DNM1L: variants seen among roughly 807,000 people sequenced by gnomAD.
DNM1L encodes the protein dynamin 1L, also known as dynamin-1-like protein.
In DNM1L, 33 loss-of-function variants were observed where a neutral mutation model predicts 92.8. That is an observed-to-expected ratio of 0.36 (90% CI 0.27 to 0.48). The LOEUF (loss-of-function observed/expected upper bound fraction) is 0.48, where lower values mean the gene tolerates loss of function less well. Among genes scored for constraint, DNM1L ranks in the 20% least tolerant of loss-of-function variants. DNM1L has a pLI of 0.99. For missense variants in DNM1L, 485 were observed against 888.8 expected (o/e 0.55, Z 5.78); for synonymous variants, 284 against 305.0 (o/e 0.93, Z 0.72).
At chr12:32,727,415 A>C (rs1395965902) in intron 9 of DNM1L, 1 of 716,088 alleles carries the variant, frequency 1.4e-6, no homozygotes, top group African/African-American at 1.8e-5. Context: ...ATGAGAAGCC[A>C]GGCGGCTGGA....
intron 19 of DNM1L, 97 bp downstream of exon 19, chr12:32,742,845 A>G: frequency 2.0e-6 from 2 of 1,016,074 alleles, no homozygotes; most frequent in Non-Finnish European, 3.0e-6. Context: ...TATAGTCTTT[A>G]TATTCTAGCT....
At chr12:32,722,674 G>T (rs371534794) in intron 9 of DNM1L, 41 bp downstream of exon 9, 92 of 1,468,902 alleles carry the variant, frequency 6.3e-5, no homozygotes, top group Middle Eastern at 4.7e-4. Flanking sequence ...TACCTAGATT[G>T]CTAGGTCACT....
intron 5 of DNM1L, 56 bp downstream of exon 5, chr12:32,711,071 C>G: frequency 7.1e-7 from 1 of 1,412,992 alleles, no homozygotes; most frequent in Non-Finnish European, 1.0e-6. Flanking sequence ...GTTGACATCC[C>G]ATATGAGAAT....
chr12:32,732,047 G>A, intron 12 of DNM1L, 104 bp downstream of exon 12: 1 of 836,396 alleles, frequency 1.2e-6, no homozygotes, highest in Non-Finnish European at 2.0e-6. Flanking sequence ...TAGAGTGTAG[G>A]CATAATGTTT....
chr12:32,734,429 C>T (rs1954743458), intron 13 of DNM1L, among the ~76,000 whole-genome samples: 1 of 152,176 alleles, frequency 6.6e-6, no homozygotes, highest in African/African-American at 2.4e-5. Context: ...ATTTCCTCTT[C>T]TGCATATCCA....
At chr12:32,686,811 A>G (rs1404243584) in intron 1 of DNM1L, among the ~76,000 whole-genome samples, 1 of 151,946 alleles carries the variant, frequency 6.6e-6, no homozygotes, top group Non-Finnish European at 1.5e-5. Context: ...TCTGTTTTTG[A>G]TTATAGTCAT....
chr12:32,685,722 CTTG>C (rs745706661), intron 1 of DNM1L, among the ~76,000 whole-genome samples: 85 of 149,936 alleles, frequency 5.7e-4, no homozygotes, highest in Non-Finnish European at 1.1e-3. Context: ...CTTATCAACA[CTTG>C]TTGTTATCTT....
intron 2 of DNM1L, chr12:32,705,619 T>C: frequency 2.2e-6 from 1 of 459,992 alleles, no homozygotes; most frequent in East Asian, 3.3e-5. Flanking sequence ...ATCCCTCTAA[T>C]TCTAGTTGTA....
intron 1 of DNM1L, among the ~76,000 whole-genome samples, chr12:32,686,928 CTTTTTTTTCTTTTTTTTT>C (rs1486631349): frequency 8.2e-6 from 1 of 121,642 alleles, no homozygotes; most frequent in Non-Finnish European, 1.7e-5. Flanking sequence ...TGTAAGAGTT[CTTTTTTTTCTTTTTTTTT>C]TTTTTTTTTT....
chr12:32,686,286 ATCCGTCCACCTCGACC>A (rs1952010174), intron 1 of DNM1L, among the ~76,000 whole-genome samples: 1 of 152,082 alleles, frequency 6.6e-6, no homozygotes, highest in Admixed American at 6.5e-5. Context: ...ACCTCAGGTG[ATCCGTCCACCTCGACC>A]TCCCAAAGTG....
In DNM1L at chr12:32,710,950, C is replaced by T; in HGVS notation, c.391C>T (p.His131Tyr). ...NNKGVSPEPI[H>Y]LKIFSPNVVN... ...TTAGGGAGTAAGCCCTGAACCAATT[C>T]ATCTTAAGATTTTTTCACCCAACGT... Residue 131 changes from histidine (H) to tyrosine (Y), a missense_variant, in exon 5 of 20, where the codon CAT becomes TAT. Physicochemically the swap from His to Tyr is moderately conservative, Grantham distance 83. Around this residue, in one of 11 missense-constraint regions of DNM1L, gnomAD observed 159 missense variants for 275.9 expected, o/e 0.58. Coordinates refer to ENST00000549701, the MANE Select transcript of DNM1L (RefSeq NM_012062.5). The T allele has an allele frequency of 6.2e-7, 1 of 1,613,790 alleles. No individual in the cohort carries two copies. Among genetic ancestry groups the T allele is most frequent in the Non-Finnish European group, 8.5e-7 (1 of 1,179,842 alleles).
chr12:32,686,941 T>TTC (rs1952037327), intron 1 of DNM1L, among the ~76,000 whole-genome samples: 1 of 137,188 alleles, frequency 7.3e-6, no homozygotes, highest in African/African-American at 3.0e-5. Flanking sequence ...TTTTTTCTTT[T>TTC]TTTTTTTTTT....
At chr12:32,680,913 A>G (rs1951777950) in intron 1 of DNM1L, among the ~76,000 whole-genome samples, 1 of 152,234 alleles carries the variant, frequency 6.6e-6, no homozygotes, top group Non-Finnish European at 1.5e-5. Context: ...GCTGCACACT[A>G]GAAACTTTCC....
chr12:32,708,062 G>T (rs1012410454), intron 3 of DNM1L, 91 bp from the exon 4 acceptor site: 1 of 678,664 alleles, frequency 1.5e-6, no homozygotes, highest in Non-Finnish European at 2.6e-6. Context: ...CAAATACATA[G>T]ACATCCTTGA....
At position 32,710,443 on chromosome 12, in the gene DNM1L, C is replaced by T. The variant is rs375899878; in HGVS notation, c.370-486C>T. ...CCAGCCTGGGCAACATTGTAATACC[C>T]GGTCTCTACAAAATATAAACAAGAA... On this transcript the variant is annotated intron_variant, in intron 4 of 19. Transcript: ENST00000549701. 2.3e-4 allele frequency among the ~76,000 whole-genome samples: 35 copies of T among 152,032 alleles called. 1 individual carries two copies. Among genetic ancestry groups the T allele is most frequent in the African/African-American group, 7.2e-4 (30 of 41,496 alleles).
chr12:32,683,804 A>G (rs557868213), intron 1 of DNM1L, among the ~76,000 whole-genome samples: 6 of 152,156 alleles, frequency 3.9e-5, no homozygotes, highest in Admixed American at 2.6e-4. Flanking sequence ...TGGCCTCCCA[A>G]AGTGCTGGAA....
intron 4 of DNM1L, among the ~76,000 whole-genome samples, chr12:32,710,601 A>C (rs1358620201): frequency 6.7e-6 from 1 of 150,274 alleles, no homozygotes; most frequent in African/African-American, 2.5e-5. Context: ...CCTGTGTGAC[A>C]GAGTGAGACC....
intron 13 of DNM1L, among the ~76,000 whole-genome samples, chr12:32,735,336 C>T (rs1035770457): frequency 3.3e-5 from 5 of 152,124 alleles, no homozygotes; most frequent in African/African-American, 1.2e-4. Flanking sequence ...AGCAGGTACT[C>T]CACATCTGCT....
In DNM1L at chr12:32,718,685, A is replaced by G; in HGVS notation, c.662A>G (p.Asp221Gly). ...LAVITKLDLM[D>G]AGTDAMDVLM... is the part of the protein sequence containing the mutation. ...GTAATCACTAAACTTGATCTCATGG[A>G]TGCGGGTACTGATGCCATGGATGTA... The change falls in exon 7 of 20, where the codon GAT (aspartate) becomes GGT (glycine). Residue 221 changes from aspartate (D) to glycine (G), a missense_variant. Physicochemically the swap from Asp to Gly is moderately conservative, Grantham distance 94 (BLOSUM62 -1). Around this residue, in one of 11 missense-constraint regions of DNM1L, gnomAD observed 159 missense variants for 275.9 expected, o/e 0.58. Coordinates refer to ENST00000549701, the MANE Select transcript of DNM1L (RefSeq NM_012062.5). 6.2e-7 allele frequency: 1 copy of G among 1,613,884 alleles called. No homozygotes were observed. Among genetic ancestry groups the G allele is most frequent in the Non-Finnish European group, 8.5e-7 (1 of 1,179,864 alleles).
Sources: allele counts gnomAD v4.1 joint callset (sites outside exome capture counted in the v4.1 genomes callset), GRCh38; gene constraint gnomAD v4.1.1; regional missense constraint gnomAD v4.1.1; transcripts MANE v1.5; gene names NCBI Gene and HGNC (gene_info 2026-07-23, HGNC 2026-07-21).